ELP3: variants seen among roughly 807,000 people sequenced by gnomAD.
The protein encoded by ELP3 is elongator acetyltransferase complex subunit 3.
A neutral mutation model predicts 74.9 loss-of-function variants in ELP3; 56 were observed. The ratio of observed to expected loss-of-function variants is 0.75; its 90% CI spans 0.60 to 0.93. The LOEUF (loss-of-function observed/expected upper bound fraction) is 0.93, where lower values mean the gene tolerates loss of function less well. ELP3 is among the 40% of genes least tolerant of loss of function. ELP3 has a pLI of 0.00. For synonymous variants in ELP3, 222 were observed against 239.8 expected (o/e 0.93, Z 0.68); for missense variants, 573 against 686.5 (o/e 0.83, Z 1.85).
At chr8:28,182,170 T>C (rs1447548000) in intron 14 of ELP3, among the ~76,000 whole-genome samples, 2 of 152,200 alleles carry the variant, frequency 1.3e-5, no homozygotes, top group Non-Finnish European at 2.9e-5. Context: ...TGGTTTTCAG[T>C]GAACTCAGGT....
intron 7 of ELP3, among the ~76,000 whole-genome samples, chr8:28,122,165 T>A (rs1812398849): frequency 6.6e-6 from 1 of 152,234 alleles, no homozygotes; most frequent in Admixed American, 6.5e-5. Context: ...TATATCATCA[T>A]CTTTACATAT....
intron 5 of ELP3, among the ~76,000 whole-genome samples, chr8:28,108,467 T>C (rs1274150852): frequency 4.1e-5 from 6 of 147,434 alleles, no homozygotes; most frequent in Non-Finnish European, 6.0e-5. Flanking sequence ...CTTTTTTTTT[T>C]TTTTTTTTGA....
chr8:28,183,645 G>A (rs111540692), intron 14 of ELP3, among the ~76,000 whole-genome samples: 2 of 151,992 alleles, frequency 1.3e-5, no homozygotes, highest in African/African-American at 4.8e-5. Context: ...GGCTGGTCTC[G>A]AACTCCTGAG....
intron 14 of ELP3, among the ~76,000 whole-genome samples, chr8:28,188,028 C>G (rs193118030): frequency 6.6e-6 from 1 of 152,116 alleles, no homozygotes; most frequent in Non-Finnish European, 1.5e-5. Context: ...GGGCAGCCAG[C>G]GAGCTAGAGG....
chr8:28,190,174 A>C lies in ELP3; in HGVS notation c.*449A>C, dbSNP rs1815403980. Reference sequence around the variant, plus strand: ...AGGAAAACCACCAGACTCTAATCTCAGCCCTTTAACGACATACGCATTGGA... The same window carrying C: ...AGGAAAACCACCAGACTCTAATCTCCGCCCTTTAACGACATACGCATTGGA... On this transcript the variant is annotated 3_prime_UTR_variant, in exon 15 of 15. Coordinates refer to ENST00000256398, the MANE Select transcript of ELP3 (RefSeq NM_018091.6). The C allele has an allele frequency of 6.4e-6, 1 of 156,664 alleles. No homozygotes were observed. The highest frequency in any genetic ancestry group is 1.4e-5 in the Non-Finnish European group (1 of 70,672). The allele number at this position is 156,664 out of a possible 1,614,324, so 9.7% of individuals were successfully genotyped here.
rs750469192 is a variant in ELP3 at position 28,110,373 on chromosome 8, A to C, written c.397A>C (p.Thr133Pro). The C allele has an allele frequency of 4.3e-6, 7 of 1,613,342 alleles. No homozygotes were observed. The highest frequency in any genetic ancestry group is 4.2e-6 in the Non-Finnish European group (5 of 1,179,718). ...STQSYTGYEPTSMRAIRARYD... is the reference protein window; with the variant it reads ...STQSYTGYEPPSMRAIRARYD... The stretch of plus-strand genomic sequence containing the variant: ...TAACAATATTTTTCTCTTCTAGCCA[A>C]CCTCCATGAGAGCTATCCGTGCCAG... Residue 133 changes from threonine (T) to proline (P), a missense_variant, in exon 6 of 15, where the codon ACC becomes CCC. Transcript: ENST00000256398.
chr8:28,147,779 A>G lies in ELP3; in HGVS notation c.1101-8163A>G, dbSNP rs950846539. Among the ~76,000 whole-genome samples the G allele has an allele frequency of 5.9e-5, 9 of 152,158 alleles. No individual in the cohort carries two copies. The highest frequency in any genetic ancestry group is 2.2e-4 in the African/African-American group (9 of 41,434). ...AAGCCACTCTCCACTAAAAGAAATC[A>G]GTGCTTAGAAAAATGGCCATTTCCA... On this transcript the variant is annotated intron_variant, in intron 10 of 14. Coordinates refer to ENST00000256398, the MANE Select transcript of ELP3 (RefSeq NM_018091.6). The surrounding 1 kb of genome is among the most constrained non-coding windows in gnomAD (Gnocchi z 4.5).
chr8:28,156,042 AAT>A lies in ELP3; in HGVS notation c.1191+13_1191+14del, dbSNP rs1424038816. 4 of 1,608,834 alleles carry A rather than the reference AAT, an allele frequency of 2.5e-6. No homozygotes were observed. In the South Asian group the frequency reaches 4.4e-5, roughly 18 times the overall value. ...AGACCTCGGAATACAGGTAAGAGCA[AAT>A]ATGGCGGTCAGGCCACAACTGTTGA... On this transcript the variant is annotated intron_variant, in intron 11 of 14. Coordinates refer to ENST00000256398, the MANE Select transcript of ELP3 (RefSeq NM_018091.6).
intron 10 of ELP3, among the ~76,000 whole-genome samples, chr8:28,151,632 C>A (rs1813645117): frequency 6.6e-6 from 1 of 152,164 alleles, no homozygotes; most frequent in Non-Finnish European, 1.5e-5. Context: ...TTTCAGTGAG[C>A]CTATGCCCCT....
At chr8:28,134,224 A>T (rs764326389) in intron 9 of ELP3, among the ~76,000 whole-genome samples, 37 of 152,210 alleles carry the variant, frequency 2.4e-4, no homozygotes, top group Non-Finnish European at 5.1e-4. Context: ...GAACTCATAA[A>T]GTTTAAGTGC....
chr8:28,168,108 C>G (rs1814379281), intron 14 of ELP3, among the ~76,000 whole-genome samples: 2 of 152,212 alleles, frequency 1.3e-5, no homozygotes, highest in Admixed American at 6.5e-5. Context: ...GAAGGTGAAT[C>G]AGGTACCAGT....
chr8:28,092,934 C>G (rs1235722414), upstream of ELP3: 1 of 583,504 alleles, frequency 1.7e-6, no homozygotes, highest in East Asian at 3.0e-5. Flanking sequence ...GTCGAGCTTT[C>G]TAACCCCAAG....
At chr8:28,126,275 T>C (rs1410187554) in intron 7 of ELP3, among the ~76,000 whole-genome samples, 1 of 152,080 alleles carries the variant, frequency 6.6e-6, no homozygotes, top group African/African-American at 2.4e-5. Context: ...AGCCTTTGGT[T>C]TTTGTTTGCT....
Position 28,137,891 on chromosome 8 carries a change from G to A in ELP3, c.1100G>A (p.Arg367Lys), listed in dbSNP as rs1813057017. ...PPWTRVYRVQRDIPMPLVSSG... is the reference protein window; with the variant it reads ...PPWTRVYRVQKDIPMPLVSSG... ...TGGACTCGAGTGTACCGAGTACAGA[G>A]GTAGTGTGTTATCTTTTATTCCTAA... is the stretch of plus-strand genomic sequence containing the variant. The change falls in exon 10 of 15, where the codon AGG (arginine) becomes AAG (lysine). Residue 367 changes from arginine to lysine, a missense_variant and splice_region_variant. Transcript: ENST00000256398. 1 of 1,583,420 alleles carries A rather than the reference G, an allele frequency of 6.3e-7. No homozygotes were observed. Among genetic ancestry groups the A allele is most frequent in the Non-Finnish European group, 8.5e-7 (1 of 1,170,622 alleles).
intron 14 of ELP3, among the ~76,000 whole-genome samples, chr8:28,187,795 GACCTGCT>G (rs1815298008): frequency 6.6e-6 from 1 of 152,104 alleles, no homozygotes; most frequent in Non-Finnish European, 1.5e-5. Flanking sequence ...TTGGGTTTTT[GACCTGCT>G]ACACCTTCCA....
intron 14 of ELP3, among the ~76,000 whole-genome samples, chr8:28,176,486 G>A (rs1462121835): frequency 6.6e-6 from 1 of 152,136 alleles, no homozygotes; most frequent in Non-Finnish European, 1.5e-5. Flanking sequence ...GTGGAGCTAA[G>A]GAATGGGGGA....
intron 2 of ELP3, 25 bp from the exon 3 acceptor site, chr8:28,099,803 A>G: frequency 6.2e-7 from 1 of 1,613,900 alleles, no homozygotes. Context: ...CGTAATCTTG[A>G]TAATGTGAGA....
chr8:28,190,710 A>AC lies in ELP3; in HGVS notation c.*988dup. The AC allele has an allele frequency of 6.6e-6, 1 of 151,380 alleles. No individual in the cohort carries two copies. Among genetic ancestry groups the AC allele is most frequent in the South Asian group, 2.1e-4 (1 of 4,776 alleles). 9.4% of individuals were successfully genotyped at this position (151,380 alleles called of 1,614,324 possible). ...CTCCTGAGTAGCTGGGATTACAGGC[A>AC]CCCGCCGCTGCTAATTTTTGTATTT... On this transcript the variant is annotated 3_prime_UTR_variant, in exon 15 of 15. Coordinates refer to ENST00000256398, the MANE Select transcript of ELP3 (RefSeq NM_018091.6).
In ELP3 at chr8:28,110,363, C is replaced by T. The variant is rs1811867816; in HGVS notation, c.394-7C>T. The T allele has an allele frequency of 1.9e-6, 3 of 1,612,088 alleles. No homozygotes were observed. The highest frequency in any genetic ancestry group is 2.5e-6 in the Non-Finnish European group (3 of 1,179,204). On this transcript the variant is annotated splice_polypyrimidine_tract_variant and splice_region_variant and intron_variant, in intron 5 of 14. Coordinates refer to ENST00000256398, the MANE Select transcript of ELP3 (RefSeq NM_018091.6). ...AATGTGGGCATAACAATATTTTTCTCTTCTAGCCAACCTCCATGAGAGCTA... is the reference window on the plus strand; with the variant it reads ...AATGTGGGCATAACAATATTTTTCTTTTCTAGCCAACCTCCATGAGAGCTA...
Sources: allele counts gnomAD v4.1 joint callset (sites outside exome capture counted in the v4.1 genomes callset), GRCh38; gene constraint gnomAD v4.1.1; non-coding constraint Gnocchi (gnomAD v3.1); transcripts MANE v1.5; gene names NCBI Gene and HGNC (gene_info 2026-07-23, HGNC 2026-07-21).